The following RELN variants were observed in gnomAD, a reference collection of about 807,000 sequenced individuals.
RELN encodes reelin.
Under a neutral mutation model 427.6 loss-of-function variants are expected in RELN, and 108 were observed. The observed-to-expected ratio is 0.25, with a 90% CI of 0.22 to 0.30. The LOEUF (loss-of-function observed/expected upper bound fraction) is 0.30. RELN is among the 10% of genes least tolerant of loss of function. The pLI, the probability that RELN is intolerant of heterozygous loss-of-function variation, is 1.00. For missense variants in RELN, 3,715 were observed against 4,302.8 expected, an observed-to-expected ratio of 0.86 and a Z score of 3.82; for synonymous variants, 1,524 against 1,513.4, an observed-to-expected ratio of 1.01 and a Z score of -0.16.
At position 103,589,771 on chromosome 7, in the gene RELN, A is replaced by C. The variant is rs1339832079; in HGVS notation, c.3970T>G (p.Ser1324Ala). 2 of 1,613,666 alleles carry C rather than the reference A, an allele frequency of 1.2e-6. No homozygotes were observed. Among genetic ancestry groups the C allele is most frequent in the East Asian group, 2.2e-5 (1 of 44,884 alleles). The change falls in exon 28 of 65, where the codon TCT (serine) becomes GCT (alanine). Residue 1324 changes from serine (S) to alanine (A), a missense_variant. Physicochemically the swap from Ser to Ala is moderately conservative, Grantham distance 99. Transcript: ENST00000428762. ...AACCAGGACATACCAGCATCATGAG[A>C]GTACTGAAGAAGAACTGGAGCAGTA... is the stretch of plus-strand genomic sequence containing the variant. ...SSTAPVLLQY[S>A]HDAGMSWFLV...
At chr7:103,841,914 C>T (rs1477708224) in intron 2 of RELN, among the ~76,000 whole-genome samples, 1 of 152,116 alleles carries the variant, frequency 6.6e-6, no homozygotes, top group African/African-American at 2.4e-5. Flanking sequence ...GTGGGTTCAA[C>T]AAGCCTTGGT....
chr7:103,561,642 C>G lies in RELN; in HGVS notation c.5419G>C (p.Asp1807His), dbSNP rs558284872. ...VVPLPSILKDDFNGNLHPDLW... is the reference protein window; with the variant it reads ...VVPLPSILKDHFNGNLHPDLW... ...TCAGGATGTAAATTCCCATTGAAAT[C>G]GTCTTTAAGAATCGAGGGCAGAGGA... Residue 1807 changes from aspartate to histidine, a missense_variant, in exon 36 of 65, where the codon GAT becomes CAT. Physicochemically the swap from Asp to His is moderately conservative, Grantham distance 81. Transcript: ENST00000428762. 5.6e-6 allele frequency: 9 copies of G among 1,613,938 alleles called. No individual in the cohort carries two copies. Among genetic ancestry groups the G allele is most frequent in the Non-Finnish European group, 7.6e-6 (9 of 1,179,908 alleles).
chr7:103,623,714 A>G (rs1832267926), intron 20 of RELN, among the ~76,000 whole-genome samples: 1 of 152,218 alleles, frequency 6.6e-6, no homozygotes, highest in Non-Finnish European at 1.5e-5. Context: ...ACCAAAAGGT[A>G]GCAGAAGGAG....
At chr7:103,808,762 G>C (rs1792662880) in intron 3 of RELN, among the ~76,000 whole-genome samples, 1 of 152,030 alleles carries the variant, frequency 6.6e-6, no homozygotes, top group Non-Finnish European at 1.5e-5. Flanking sequence ...AGTAAAAAGA[G>C]GTAGAAATAG....
At chr7:103,861,604 A>G (rs1157005388) in intron 2 of RELN, among the ~76,000 whole-genome samples, 2 of 152,172 alleles carry the variant, frequency 1.3e-5, no homozygotes, top group Non-Finnish European at 2.9e-5. Context: ...CCAAAGCAAA[A>G]AGAGAAGTTC....
intron 28 of RELN, among the ~76,000 whole-genome samples, chr7:103,586,616 G>A (rs1831278985): frequency 6.6e-6 from 1 of 152,118 alleles, no homozygotes; most frequent in African/African-American, 2.4e-5. Context: ...CTGATGACAT[G>A]ATCTTATACC....
At chr7:103,669,794 C>T (rs532865476) in intron 11 of RELN, among the ~76,000 whole-genome samples, 1 of 151,890 alleles carries the variant, frequency 6.6e-6, no homozygotes, top group Non-Finnish European at 1.5e-5. Context: ...GAATGTCTGC[C>T]TGAGGGAGAG....
At chr7:103,615,246 C>T (rs540230300) in intron 20 of RELN, among the ~76,000 whole-genome samples, 1 of 152,194 alleles carries the variant, frequency 6.6e-6, no homozygotes, top group African/African-American at 2.4e-5. Context: ...GATTACCTTT[C>T]TAGCCTTCTT....
chr7:103,622,537 T>C (rs1026031339), intron 20 of RELN, among the ~76,000 whole-genome samples: 10 of 152,214 alleles, frequency 6.6e-5, no homozygotes, highest in African/African-American at 2.2e-4. Context: ...CCTGTAACAC[T>C]AGAGTAAAAT....
Position 103,756,801 on chromosome 7 carries a change from A to C in RELN, c.545-3587T>G, listed in dbSNP as rs192276902. The stretch of plus-strand genomic sequence containing the variant: ...AAAATGTCCACTATCTGAGATAACT[A>C]AACATTATTTCCTCAAAAGAGAAAC... On this transcript the variant is annotated intron_variant, in intron 4 of 64. Transcript: ENST00000428762. Among the ~76,000 whole-genome samples the C allele has an allele frequency of 3.3e-5, 5 of 152,348 alleles. No individual in the cohort carries two copies. In the South Asian group the frequency reaches 8.3e-4, roughly 25 times the overall value.
At chr7:103,673,727 G>A (rs2115640966) in intron 11 of RELN, among the ~76,000 whole-genome samples, 1 of 152,050 alleles carries the variant, frequency 6.6e-6, no homozygotes, top group African/African-American at 2.4e-5. Context: ...ATAATTTTCA[G>A]AACTTCAAGA....
At chr7:103,975,226 A>G (rs981687723) in intron 1 of RELN, among the ~76,000 whole-genome samples, 1 of 152,214 alleles carries the variant, frequency 6.6e-6, no homozygotes, top group Admixed American at 6.5e-5. Flanking sequence ...AACAATTTTA[A>G]CTATATCTCA....
chr7:103,836,179 C>T (rs990216276), intron 2 of RELN, among the ~76,000 whole-genome samples: 1 of 152,048 alleles, frequency 6.6e-6, no homozygotes, highest in East Asian at 1.9e-4. Context: ...GTTGGCCAGG[C>T]TGGTTTTGGA....
chr7:103,847,636 A>G (rs889586382), intron 2 of RELN, among the ~76,000 whole-genome samples: 1 of 152,176 alleles, frequency 6.6e-6, no homozygotes, highest in East Asian at 1.9e-4. Context: ...CAGAGAGAAG[A>G]GAGGAGAAGA....
intron 1 of RELN, among the ~76,000 whole-genome samples, chr7:103,923,080 ATT>A (rs1795651343): frequency 6.6e-6 from 1 of 152,220 alleles, no homozygotes; most frequent in South Asian, 2.1e-4. Flanking sequence ...AGAATCTAAT[ATT>A]GTCAATATTT....
Position 103,574,139 on chromosome 7 carries a change from A to C in RELN, c.4464T>G (p.Pro1488=). The C allele has an allele frequency of 6.2e-7, 1 of 1,614,184 alleles. No individual in the cohort carries two copies. The highest frequency in any genetic ancestry group is 1.3e-5 in the African/African-American group (1 of 75,042). ...GGACCGTCCGGGCTTCCCTTTTCCC[A>C]GGGCCATTGAAGTAGAGAGATTTGC... ...NDGKSLYFNG[P]GKREARTVPL... is the part of the protein sequence containing the mutation. The change falls in exon 30 of 65, where the codon CCT becomes CCG. Residue 1488 remains proline (P), a synonymous_variant. Coordinates refer to ENST00000428762, the MANE Select transcript of RELN (RefSeq NM_005045.4).
At chr7:103,540,097 G>T in intron 44 of RELN, 100 bp downstream of exon 44, 2 of 1,342,600 alleles carry the variant, frequency 1.5e-6, no homozygotes, top group Non-Finnish European at 2.1e-6. Flanking sequence ...GTCAGTTCTG[G>T]GTTTCATCTA....
chr7:103,789,803 T>C (rs1298186779), intron 3 of RELN, among the ~76,000 whole-genome samples: 1 of 152,158 alleles, frequency 6.6e-6, no homozygotes, highest in East Asian at 1.9e-4. Flanking sequence ...GAACTAGAAA[T>C]ACCATTGCAC....
intron 6 of RELN, among the ~76,000 whole-genome samples, chr7:103,734,896 T>A (rs561124383): frequency 5.8e-4 from 88 of 152,292 alleles, no homozygotes; most frequent in African/African-American, 2.0e-3. Flanking sequence ...ATTTTTTTGT[T>A]TTTCTGATAA....
Sources: gnomAD v4.1 joint callset for allele counts (sites outside exome capture counted in the v4.1 genomes callset) on GRCh38, gnomAD v4.1.1 for gene constraint, MANE v1.5 for transcripts, NCBI Gene and HGNC (gene_info 2026-07-23, HGNC 2026-07-21) for gene names.